The following BMAL1 variants were observed in gnomAD, a reference collection of about 807,000 sequenced individuals.
The protein encoded by BMAL1 is basic helix-loop-helix ARNT-like protein 1.
the BMAL1 span, among the ~76,000 whole-genome samples, chr11:13,292,003 C>T: frequency 6.6e-6 from 1 of 152,204 alleles, no homozygotes; most frequent in Non-Finnish European, 1.5e-5. Flanking sequence ...CCTTGGCTTG[C>T]ATCATTTCAG....
At chr11:13,386,860 T>A in the BMAL1 span, 12 of 1,352,296 alleles carry the variant, frequency 8.9e-6, no homozygotes, top group Non-Finnish European at 1.1e-5. Context: ...AGCTTTTATG[T>A]ACTGACTTCA....
chr11:13,286,023 A>G, the BMAL1 span, among the ~76,000 whole-genome samples: 1 of 152,212 alleles, frequency 6.6e-6, no homozygotes, highest in African/African-American at 2.4e-5. Context: ...GTTTTGTTCC[A>G]AAAGTTTATT....
the BMAL1 span, among the ~76,000 whole-genome samples, chr11:13,279,600 T>A: frequency 6.6e-6 from 1 of 152,242 alleles, no homozygotes; most frequent in East Asian, 1.9e-4. Context: ...TCGCTGGTGT[T>A]ATATTTGATT....
At chr11:13,318,891 G>A in the BMAL1 span, among the ~76,000 whole-genome samples, 1 of 152,082 alleles carries the variant, frequency 6.6e-6, no homozygotes, top group Admixed American at 6.6e-5. Flanking sequence ...GATAAATTCA[G>A]ACAACACTGA....
the BMAL1 span, chr11:13,375,707 A>C: frequency 5.0e-6 from 8 of 1,605,090 alleles, no homozygotes; most frequent in Non-Finnish European, 6.8e-6. Context: ...GTTCAGTTTC[A>C]TGAACCCTTG....
At chr11:13,358,719 T>G in the BMAL1 span, 1 of 1,048,876 alleles carries the variant, frequency 9.5e-7, no homozygotes, top group Non-Finnish European at 1.3e-6. Flanking sequence ...TAGTATGCCT[T>G]TACTCTTCAG....
chr11:13,284,164 GTA>G, the BMAL1 span, among the ~76,000 whole-genome samples: 490 of 33,772 alleles, frequency 0.015, 26 homozygotes, highest in African/African-American at 0.023. Flanking sequence ...ATATATGTGT[GTA>G]TATATATATA....
the BMAL1 span, chr11:13,369,561 C>T: frequency 4.4e-6 from 7 of 1,600,786 alleles, no homozygotes; most frequent in Non-Finnish European, 6.0e-6. Context: ...GTCACACTCC[C>T]CCTCCTGACA....
the BMAL1 span, chr11:13,372,282 C>T: frequency 6.2e-7 from 1 of 1,614,166 alleles, no homozygotes; most frequent in Non-Finnish European, 8.5e-7. Context: ...CCTCAGCTGC[C>T]TCGTCGCAAT....
At chr11:13,312,127 G>T in the BMAL1 span, among the ~76,000 whole-genome samples, 2 of 152,210 alleles carry the variant, frequency 1.3e-5, no homozygotes, top group Admixed American at 6.5e-5. Context: ...TTAGAGCCAT[G>T]ATTTATTGAA....
At chr11:13,292,829 AACACC>A in the BMAL1 span, among the ~76,000 whole-genome samples, 1 of 152,204 alleles carries the variant, frequency 6.6e-6, no homozygotes, top group Non-Finnish European at 1.5e-5. Flanking sequence ...TCCCAGAGGA[AACACC>A]CAAGGGGGCA....
chr11:13,338,684 C>T, the BMAL1 span, among the ~76,000 whole-genome samples: 44 of 152,220 alleles, frequency 2.9e-4, no homozygotes, highest in Non-Finnish European at 5.1e-4. Flanking sequence ...GTGGGCATAT[C>T]TGGGTTCCAG....
the BMAL1 span, among the ~76,000 whole-genome samples, chr11:13,293,610 G>T: frequency 5.1e-4 from 77 of 152,394 alleles, no homozygotes; most frequent in African/African-American, 1.6e-3. Context: ...ATCCTGGACA[G>T]TCTTCTCTAC....
At chr11:13,354,200 G>GCCCCCCCCCCCCAAA in the BMAL1 span, 23 of 364,702 alleles carry the variant, frequency 6.3e-5, no homozygotes, top group South Asian at 1.8e-4. Context: ...TCCCCCCCCG[G>GCCCCCCCCCCCCAAA]CCCCCCACCA....
At chr11:13,361,010 A>G in the BMAL1 span, among the ~76,000 whole-genome samples, 2 of 152,192 alleles carry the variant, frequency 1.3e-5, no homozygotes, top group Non-Finnish European at 2.9e-5. Context: ...AGGCTGAGAC[A>G]TGAGAATTGC....
the BMAL1 span, chr11:13,358,326 G>T: frequency 8.1e-7 from 1 of 1,240,140 alleles, no homozygotes; most frequent in Non-Finnish European, 1.1e-6. Flanking sequence ...TTCTAAATTT[G>T]CCTTGTCAGA....
the BMAL1 span, among the ~76,000 whole-genome samples, chr11:13,288,786 C>T: frequency 1.3e-5 from 2 of 152,116 alleles, no homozygotes; most frequent in Non-Finnish European, 2.9e-5. Context: ...AATTAATTGT[C>T]AATTATGTTA....
At chr11:13,346,652 G>A in the BMAL1 span, among the ~76,000 whole-genome samples, 2 of 152,160 alleles carry the variant, frequency 1.3e-5, no homozygotes, top group African/African-American at 2.4e-5. Context: ...ATGCTCCTGG[G>A]TGGAATGGAG....
chr11:13,313,414 A>ACTC, the BMAL1 span, among the ~76,000 whole-genome samples: 3 of 151,084 alleles, frequency 2.0e-5, no homozygotes, highest in Non-Finnish European at 4.4e-5. Context: ...CCCAGTCCAC[A>ACTC]CTCCTAGTGG....
Sources: gnomAD v4.1 joint callset for allele counts (sites outside exome capture counted in the v4.1 genomes callset) on GRCh38, gnomAD v4.1.1 for gene constraint, MANE v1.5 for transcripts, NCBI Gene and HGNC (gene_info 2026-07-23, HGNC 2026-07-21) for gene names.